Variants in CDA observed in about 807,000 individuals in gnomAD.
CDA encodes the protein cytidine aminohydrolase.
Under a neutral mutation model 15.0 loss-of-function variants are expected in CDA, and 7 were observed. The ratio of observed to expected loss-of-function variants is 0.47; its 90% CI spans 0.26 to 0.87. The LOEUF is 0.87. CDA is among the 40% of genes least tolerant of loss of function. CDA has a pLI of 0.15. For missense variants in CDA, 159 were observed against 182.7 expected (o/e 0.87, Z 0.75); for synonymous variants, 58 against 73.0 (o/e 0.79, Z 1.05).
chr1:20,597,143 G>A (rs1038129772), intron 1 of CDA, among the ~76,000 whole-genome samples: 8 of 152,072 alleles, frequency 5.3e-5, no homozygotes, highest in African/African-American at 1.7e-4. Context: ...CTTCCTGCAA[G>A]GCCATAGAGA....
intron 1 of CDA, among the ~76,000 whole-genome samples, chr1:20,594,617 ATC>A (rs893076546): frequency 6.6e-6 from 1 of 151,846 alleles, no homozygotes; most frequent in African/African-American, 2.4e-5. Context: ...GTAAAACCCC[ATC>A]TCTACTAAAA....
At chr1:20,592,803 C>A (rs1041238080) in intron 1 of CDA, among the ~76,000 whole-genome samples, 1 of 152,158 alleles carries the variant, frequency 6.6e-6, no homozygotes, top group Non-Finnish European at 1.5e-5. Flanking sequence ...GGCAGTGTTA[C>A]AAATAAAGGC....
intron 1 of CDA, among the ~76,000 whole-genome samples, chr1:20,592,922 G>A (rs1004038904): frequency 5.3e-5 from 8 of 152,070 alleles, no homozygotes; most frequent in Admixed American, 6.6e-5. Flanking sequence ...GCAAGACGTC[G>A]TGTCTACAAA....
At chr1:20,590,721 C>T (rs1186299439) in intron 1 of CDA, among the ~76,000 whole-genome samples, 1 of 152,182 alleles carries the variant, frequency 6.6e-6, no homozygotes, top group African/African-American at 2.4e-5. Context: ...GTGCCATTGA[C>T]TTTCTCGTGC....
At chr1:20,607,938 C>T (rs2052709372) in intron 2 of CDA, among the ~76,000 whole-genome samples, 1 of 152,188 alleles carries the variant, frequency 6.6e-6, no homozygotes, top group African/African-American at 2.4e-5. Context: ...TGCTCACAGA[C>T]AGATGAGACT....
intron 3 of CDA, among the ~76,000 whole-genome samples, chr1:20,614,686 C>T (rs1185834440): frequency 9.2e-5 from 14 of 152,088 alleles, no homozygotes. Flanking sequence ...CAAGTTCAGA[C>T]CCTTGGTGAA....
chr1:20,596,671 G>A (rs1276863079), intron 1 of CDA, among the ~76,000 whole-genome samples: 3 of 152,060 alleles, frequency 2.0e-5, no homozygotes, highest in Admixed American at 2.0e-4. Context: ...AAAAGAGAGT[G>A]GGTGCAGTGC....
chr1:20,612,230 C>A (rs149781630), intron 2 of CDA, among the ~76,000 whole-genome samples: 92 of 152,216 alleles, frequency 6.0e-4, no homozygotes, highest in African/African-American at 2.1e-3. Flanking sequence ...AGCATCTCTG[C>A]CTCTTCATCA....
In CDA at chr1:20,605,887, T is replaced by C. The variant is rs1464089329; in HGVS notation, c.266+848T>C. 1.6e-5 allele frequency among the ~76,000 whole-genome samples: 2 copies of C among 125,540 alleles called. 1 individual carries two copies. The highest frequency in any genetic ancestry group is 5.6e-5 in the African/African-American group (2 of 35,836). 82.4% of individuals were successfully genotyped at this position (125,540 alleles called of 152,430 possible). On this transcript the variant is annotated intron_variant, in intron 2 of 3. Transcript: ENST00000375071. The stretch of plus-strand genomic sequence containing the variant: ...GGAAAGGTCTTCACCGGCAAGTAAT[T>C]ATCACAGTGTTGTACCATTGGATTC...
chr1:20,612,858 G>T (rs1210776855), intron 2 of CDA, among the ~76,000 whole-genome samples: 1 of 146,934 alleles, frequency 6.8e-6, no homozygotes, highest in Non-Finnish European at 1.5e-5. Flanking sequence ...CAGGAGAATC[G>T]CTTGAACCCG....
At chr1:20,596,106 A>G (rs1017802596) in intron 1 of CDA, among the ~76,000 whole-genome samples, 3 of 152,028 alleles carry the variant, frequency 2.0e-5, no homozygotes, top group Non-Finnish European at 4.4e-5. Context: ...CTGAGATCGC[A>G]CCATTGCACT....
intron 1 of CDA, among the ~76,000 whole-genome samples, chr1:20,602,663 G>A (rs2052655599): frequency 6.6e-6 from 1 of 152,044 alleles, no homozygotes; most frequent in Non-Finnish European, 1.5e-5. Context: ...CTTGTGATCC[G>A]CCCGCTTTGG....
chr1:20,590,878 C>T (rs535196358), intron 1 of CDA, among the ~76,000 whole-genome samples: 2 of 152,262 alleles, frequency 1.3e-5, no homozygotes, highest in Non-Finnish European at 2.9e-5. Context: ...TCAGCATGTT[C>T]GGCCACAGCA....
At chr1:20,591,334 C>G (rs1231750248) in intron 1 of CDA, among the ~76,000 whole-genome samples, 1 of 151,954 alleles carries the variant, frequency 6.6e-6, no homozygotes, top group African/African-American at 2.4e-5. Flanking sequence ...GAGCGAGACT[C>G]TGTCTCAAAA....
chr1:20,618,061 A>G (rs1002897304), intron 3 of CDA, among the ~76,000 whole-genome samples: 12 of 151,762 alleles, frequency 7.9e-5, no homozygotes, highest in African/African-American at 2.9e-4. Context: ...TTGAGAACAG[A>G]CTAATACACT....
At chr1:20,603,690 G>C (rs2052667673) in intron 1 of CDA, among the ~76,000 whole-genome samples, 1 of 152,170 alleles carries the variant, frequency 6.6e-6, no homozygotes. Flanking sequence ...ATGAATACTG[G>C]GGAACAACTC....
In CDA at chr1:20,590,340, C is replaced by G. The variant is rs2052537334; in HGVS notation, c.154+1057C>G. On this transcript the variant is annotated intron_variant, in intron 1 of 3. Transcript: ENST00000375071. ...ATTGGAACCCAGACTTCCCCTGACT[C>G]CAAAAGCTGTTGCTCTGTGGGGAGT... 1.3e-5 allele frequency among the ~76,000 whole-genome samples: 2 copies of G among 152,300 alleles called. 1 individual carries two copies. Among genetic ancestry groups the G allele is most frequent in the South Asian group, 4.1e-4 (2 of 4,828 alleles).
intron 1 of CDA, among the ~76,000 whole-genome samples, chr1:20,597,765 C>T (rs1342948208): frequency 3.3e-5 from 5 of 152,180 alleles, no homozygotes; most frequent in African/African-American, 1.2e-4. Flanking sequence ...AAGGCAATAG[C>T]AGAAACAGAA....
At chr1:20,613,331 G>A (rs781441578) in intron 2 of CDA, among the ~76,000 whole-genome samples, 1 of 151,982 alleles carries the variant, frequency 6.6e-6, no homozygotes, top group East Asian at 1.9e-4. Flanking sequence ...AGCCTCCTGA[G>A]TAGCTGGGAG....
Sources: allele counts gnomAD v4.1 joint callset (sites outside exome capture counted in the v4.1 genomes callset), GRCh38; gene constraint gnomAD v4.1.1; transcripts MANE v1.5; gene names NCBI Gene and HGNC (gene_info 2026-07-23, HGNC 2026-07-21).